The following DLGAP1 variants were observed in gnomAD, a reference collection of about 807,000 sequenced individuals.
DLGAP1 encodes DLG associated protein 1.
Under a neutral mutation model 90.8 loss-of-function variants are expected in DLGAP1, and 11 were observed. That is an observed-to-expected ratio of 0.12 (90% CI 0.08 to 0.20). The LOEUF (loss-of-function observed/expected upper bound fraction) is 0.20, where lower values mean the gene tolerates loss of function less well. DLGAP1 is among the 10% of genes least tolerant of loss of function. The pLI is 1.00. For missense variants in DLGAP1, 1,050 were observed against 1,333.8 expected, an observed-to-expected ratio of 0.79 and a Z score of 3.31; for synonymous variants, 558 against 540.7, an observed-to-expected ratio of 1.03 and a Z score of -0.44.
At chr18:3,577,948 A>G (rs1254858252) in intron 8 of DLGAP1, among the ~76,000 whole-genome samples, 1 of 152,234 alleles carries the variant, frequency 6.6e-6, no homozygotes, top group Non-Finnish European at 1.5e-5. Context: ...TTAGCTAATT[A>G]TAATTTTAAA....
chr18:3,572,162 T>G (rs2054843092), intron 8 of DLGAP1, among the ~76,000 whole-genome samples: 1 of 138,362 alleles, frequency 7.2e-6, no homozygotes, highest in Admixed American at 7.5e-5. Context: ...CACCGCAACC[T>G]ACCCCTCCGG....
At chr18:4,250,369 A>G (rs560767464) in intron 1 of DLGAP1, among the ~76,000 whole-genome samples, 4 of 152,320 alleles carry the variant, frequency 2.6e-5, no homozygotes, top group African/African-American at 9.6e-5. Flanking sequence ...CACCTCCTTG[A>G]GTAGTTAACA....
At chr18:3,542,174 C>T (rs2052729324) in intron 9 of DLGAP1, among the ~76,000 whole-genome samples, 1 of 152,196 alleles carries the variant, frequency 6.6e-6, no homozygotes, top group South Asian at 2.1e-4. Context: ...GCTCCACCAA[C>T]AGAAGATCAG....
intron 1 of DLGAP1, among the ~76,000 whole-genome samples, chr18:4,361,340 A>G (rs2144101704): frequency 6.6e-6 from 1 of 152,270 alleles, no homozygotes; most frequent in Middle Eastern, 3.4e-3. Flanking sequence ...GAGAACTCAT[A>G]TTTCCTGATT....
At chr18:4,158,180 C>A (rs2076787688) in intron 1 of DLGAP1, among the ~76,000 whole-genome samples, 1 of 152,076 alleles carries the variant, frequency 6.6e-6, no homozygotes, top group Admixed American at 6.6e-5. Flanking sequence ...TATGAAATAC[C>A]TAATTTTTGC....
At chr18:4,407,968 A>G (rs2082699307) in intron 1 of DLGAP1, among the ~76,000 whole-genome samples, 1 of 152,186 alleles carries the variant, frequency 6.6e-6, no homozygotes, top group African/African-American at 2.4e-5. Flanking sequence ...AGGTGCTATC[A>G]TACACTCTGG....
chr18:3,936,426 C>T (rs754936005), intron 3 of DLGAP1, among the ~76,000 whole-genome samples: 1 of 152,202 alleles, frequency 6.6e-6, no homozygotes, highest in South Asian at 2.1e-4. Flanking sequence ...TGTACCTTTA[C>T]ATTTTCATTT....
chr18:3,970,063 T>C (rs2073413373), intron 3 of DLGAP1, among the ~76,000 whole-genome samples: 1 of 152,136 alleles, frequency 6.6e-6, no homozygotes, highest in Admixed American at 6.6e-5. Flanking sequence ...TCTTTGTAGG[T>C]AAAGCAACAG....
chr18:3,607,765 T>G (rs370705443), intron 7 of DLGAP1: 5 of 152,292 alleles, frequency 3.3e-5, no homozygotes, highest in East Asian at 1.9e-4. Context: ...TCCTGCTTGC[T>G]AATGAGACCC....
intron 2 of DLGAP1, among the ~76,000 whole-genome samples, chr18:4,145,172 G>A (rs2076564333): frequency 6.6e-6 from 1 of 152,022 alleles, no homozygotes; most frequent in African/African-American, 2.4e-5. Context: ...ATCTCATAAG[G>A]TTTGAGACAG....
At chr18:3,766,514 G>A (rs965938407) in intron 5 of DLGAP1, among the ~76,000 whole-genome samples, 1 of 151,812 alleles carries the variant, frequency 6.6e-6, no homozygotes, top group African/African-American at 2.4e-5. Flanking sequence ...CAAGAACAGC[G>A]GAATACTCAT....
chr18:4,041,360 C>T (rs191000642), intron 2 of DLGAP1, among the ~76,000 whole-genome samples: 2 of 152,178 alleles, frequency 1.3e-5, no homozygotes, highest in East Asian at 3.9e-4. Context: ...AGAAAATATT[C>T]CCAGGCAGGC....
At chr18:3,515,132 T>C (rs2050753880) in intron 10 of DLGAP1, among the ~76,000 whole-genome samples, 1 of 152,188 alleles carries the variant, frequency 6.6e-6, no homozygotes, top group African/African-American at 2.4e-5. Context: ...TTGCGTGCAA[T>C]ATTTGTTTGA....
At chr18:4,093,996 G>A (rs919898769) in intron 2 of DLGAP1, among the ~76,000 whole-genome samples, 30 of 152,180 alleles carry the variant, frequency 2.0e-4, no homozygotes, top group African/African-American at 7.2e-4. Flanking sequence ...TTTTTTAAGA[G>A]CACAAAGTGA....
At chr18:3,791,935 C>A (rs76238358) in intron 5 of DLGAP1, among the ~76,000 whole-genome samples, 67 of 152,252 alleles carry the variant, frequency 4.4e-4, no homozygotes, top group East Asian at 3.3e-3. Flanking sequence ...TAAAAAAAGG[C>A]AAATGGGCAA....
chr18:3,601,388 G>A (rs940563599), intron 7 of DLGAP1, among the ~76,000 whole-genome samples: 3 of 151,856 alleles, frequency 2.0e-5, no homozygotes, highest in Admixed American at 1.3e-4. Flanking sequence ...GCCTGGCCCA[G>A]AATGGAGTAA....
chr18:4,188,798 T>C (rs537549511), intron 1 of DLGAP1, among the ~76,000 whole-genome samples: 2 of 152,194 alleles, frequency 1.3e-5, no homozygotes, highest in African/African-American at 4.8e-5. Flanking sequence ...GTCTTTATAG[T>C]AGAATGGTTT....
At chr18:4,035,861 T>C (rs1313436843) in intron 2 of DLGAP1, among the ~76,000 whole-genome samples, 2 of 152,198 alleles carry the variant, frequency 1.3e-5, no homozygotes, top group Non-Finnish European at 2.9e-5. Context: ...TTCTGTTCTA[T>C]CTTGAAAGTT....
intron 1 of DLGAP1, among the ~76,000 whole-genome samples, chr18:4,416,365 T>A (rs557893597): frequency 3.3e-5 from 5 of 150,222 alleles, no homozygotes; most frequent in Non-Finnish European, 5.9e-5. Context: ...TAGAAGGGAT[T>A]ATCAAAATTG....
Sources: allele counts gnomAD v4.1 joint callset (sites outside exome capture counted in the v4.1 genomes callset), GRCh38; gene constraint gnomAD v4.1.1; transcripts MANE v1.5; gene names NCBI Gene and HGNC (gene_info 2026-07-23, HGNC 2026-07-21).